The following CPAMD8 variants were observed in gnomAD, a reference collection of about 807,000 sequenced individuals.
The protein encoded by CPAMD8 is C3 and PZP like alpha-2-macroglobulin domain containing 8.
CPAMD8 carries 146 observed loss-of-function variants against 224.7 expected under a neutral mutation model. That is an observed-to-expected ratio of 0.65 (90% CI 0.57 to 0.75). The LOEUF is 0.75. CPAMD8 is among the 30% of genes least tolerant of loss of function. CPAMD8 has a pLI of 0.00. For missense variants in CPAMD8, 2,301 were observed against 2,537.5 expected (o/e 0.91, Z 2.00); for synonymous variants, 966 against 1,044.6 (o/e 0.92, Z 1.45).
intron 30 of CPAMD8, among the ~76,000 whole-genome samples, chr19:16,906,337 CCTTT>C (rs35867251): frequency 0.046 from 3,725 of 81,506 alleles, 172 homozygotes; most frequent in East Asian, 0.11. Flanking sequence ...TCCTTCTTTC[CCTTT>C]CTTTCTTTCT....
At chr19:16,973,650 G>C (rs1000874109) in intron 17 of CPAMD8, among the ~76,000 whole-genome samples, 1 of 151,824 alleles carries the variant, frequency 6.6e-6, no homozygotes, top group African/African-American at 2.4e-5. Flanking sequence ...CACCTGGCCA[G>C]AAATATTTTT....
At chr19:17,015,114 C>T (rs1012855789) in intron 3 of CPAMD8, among the ~76,000 whole-genome samples, 11 of 152,302 alleles carry the variant, frequency 7.2e-5, no homozygotes, top group Admixed American at 2.0e-4. Context: ...TGATGGCAGG[C>T]GCCTATAGTC....
Position 16,945,607 on chromosome 19 carries a change from T to A in CPAMD8, c.2735A>T (p.His912Leu). The stretch of plus-strand genomic sequence containing the variant: ...CCCGATGGGGACCCTCCTGTCGGCG[T>A]GATTCTCCTCAGGGTGTTTGCTGGA... ...GRSSKHPEEN[H>L]ADRRVPIGVD... The change falls in exon 22 of 42, where the codon CAC becomes CTC. Residue 912 changes from histidine (H) to leucine (L), a missense_variant. His to Leu is a moderately conservative substitution (Grantham distance 99). This residue lies in a region of CPAMD8 where 1,709 missense variants were observed against 1,753.2 expected (regional missense o/e 0.97). Coordinates refer to ENST00000443236, the MANE Select transcript of CPAMD8 (RefSeq NM_015692.5). 6.2e-7 allele frequency: 1 copy of A among 1,614,168 alleles called. No individual in the cohort carries two copies. The highest frequency in any genetic ancestry group is 8.5e-7 in the Non-Finnish European group (1 of 1,180,008).
chr19:16,973,688 A>G (rs2055145720), intron 17 of CPAMD8, among the ~76,000 whole-genome samples: 1 of 151,942 alleles, frequency 6.6e-6, no homozygotes, highest in African/African-American at 2.4e-5. Flanking sequence ...GCACCCTCCA[A>G]TGGGACACGC....
chr19:16,997,034 C>A (rs1043807552), intron 11 of CPAMD8, 77 bp downstream of exon 11: 18 of 910,122 alleles, frequency 2.0e-5, no homozygotes, highest in Non-Finnish European at 1.8e-6. Flanking sequence ...TGAGTCACCA[C>A]TGCAGAGCTA....
At chr19:16,943,057 G>C (rs1318376281) in intron 22 of CPAMD8, among the ~76,000 whole-genome samples, 1 of 142,132 alleles carries the variant, frequency 7.0e-6, no homozygotes, top group South Asian at 2.2e-4. Context: ...ACCCAGGCTA[G>C]AGTGCAGTGT....
At chr19:16,897,184 A>T (rs1297554425) in intron 39 of CPAMD8, 3 of 68,910 alleles carry the variant, frequency 4.4e-5, no homozygotes, top group African/African-American at 1.8e-4. Context: ...CGCACTGACC[A>T]CACCCACCGC....
intron 18 of CPAMD8, among the ~76,000 whole-genome samples, chr19:16,969,895 A>AAAC (rs1491031271): frequency 6.7e-6 from 1 of 150,122 alleles, no homozygotes; most frequent in African/African-American, 2.5e-5. Flanking sequence ...AAAAACAAAA[A>AAAC]CAACGAAAAA....
chr19:16,958,794 CT>C (rs894430046), intron 18 of CPAMD8, among the ~76,000 whole-genome samples: 31 of 142,376 alleles, frequency 2.2e-4, no homozygotes, highest in African/African-American at 5.3e-4. Context: ...TATTTTTTTA[CT>C]TTTTTTTTCT....
chr19:16,993,299 T>C (rs111984152), intron 12 of CPAMD8, 117 bp downstream of exon 12: 6 of 764,090 alleles, frequency 7.9e-6, no homozygotes, highest in African/African-American at 3.5e-5. Context: ...GAATGTGTAC[T>C]CCTGCAGGGC....
intron 23 of CPAMD8, 58 bp from the exon 24 acceptor site, chr19:16,929,298 C>T: frequency 7.1e-7 from 1 of 1,403,528 alleles, no homozygotes; most frequent in Non-Finnish European, 9.8e-7. Flanking sequence ...TCCCACTTTC[C>T]CTGATGGTAC....
intron 11 of CPAMD8, among the ~76,000 whole-genome samples, chr19:16,995,524 C>T (rs2056096193): frequency 6.6e-6 from 1 of 152,208 alleles, no homozygotes; most frequent in Admixed American, 6.6e-5. Context: ...CCTCAGCCTC[C>T]TGAGTCACTG....
chr19:16,948,874 AAG>A (rs2054199550), intron 20 of CPAMD8, among the ~76,000 whole-genome samples: 1 of 10,220 alleles, frequency 9.8e-5, no homozygotes, highest in Non-Finnish European at 1.7e-4. Context: ...AAGGAAAGGG[AAG>A]GGAAGGGAAG....
chr19:16,983,996 G>A (rs894884067), intron 13 of CPAMD8, among the ~76,000 whole-genome samples: 3 of 152,120 alleles, frequency 2.0e-5, no homozygotes, highest in African/African-American at 7.2e-5. Flanking sequence ...ACCAGCATAA[G>A]GAGAGACATA....
intron 23 of CPAMD8, among the ~76,000 whole-genome samples, chr19:16,935,925 T>C (rs571668637): frequency 1.3e-5 from 2 of 150,484 alleles, no homozygotes; most frequent in Non-Finnish European, 2.9e-5. Flanking sequence ...CATTTAGTGT[T>C]CACTATTTTT....
At position 16,977,483 on chromosome 19, in the gene CPAMD8, G is replaced by A. The variant is rs766613114; in HGVS notation, c.1643C>T (p.Ala548Val). The change falls in exon 15 of 42, where the codon GCC becomes GTC. Residue 548 changes from alanine (A) to valine (V), a missense_variant. Around this residue, in one of 4 missense-constraint regions of CPAMD8, gnomAD observed 301 missense variants for 406.6 expected, o/e 0.74. Coordinates refer to ENST00000443236, the MANE Select transcript of CPAMD8 (RefSeq NM_015692.5). Reference protein sequence around the residue: ...VDVCVTSLHLAVTPSMVPLGR... With the variant: ...VDVCVTSLHLVVTPSMVPLGR... ...AAGGGGGACCATGCTGGGGGTCACG[G>A]CCAGATGAAGAGAGGTCACACACAC... The A allele has an allele frequency of 2.2e-5, 36 of 1,611,740 alleles. No homozygotes were observed. Among genetic ancestry groups the A allele is most frequent in the Non-Finnish European group, 2.7e-5 (32 of 1,178,928 alleles).
In CPAMD8 at chr19:16,976,095, C is replaced by T. The variant is rs771849343; in HGVS notation, c.1815G>A (p.Arg605=). Residue 605 remains arginine, a synonymous_variant, in exon 16 of 42, where the codon CGG becomes CGA. Transcript: ENST00000443236. ...ETQPGEVVDL[R]IRAARGSCVC... ...CACAGCTGCCCCTTGCAGCCCTGAT[C>T]CGCAGGTCGACAACCTCCCCAGGTT... 1.2e-6 allele frequency: 2 copies of T among 1,612,976 alleles called. No homozygotes were observed. The highest frequency in any genetic ancestry group is 2.2e-5 in the South Asian group (2 of 90,980).
chr19:17,012,744 G>C (rs1254757427), intron 3 of CPAMD8, among the ~76,000 whole-genome samples: 1 of 152,176 alleles, frequency 6.6e-6, no homozygotes, highest in African/African-American at 2.4e-5. Flanking sequence ...ATCATCACTG[G>C]AGAGTTACAA....
intron 13 of CPAMD8, among the ~76,000 whole-genome samples, chr19:16,982,743 G>A (rs570008003): frequency 1.3e-5 from 2 of 152,122 alleles, no homozygotes; most frequent in Non-Finnish European, 2.9e-5. Context: ...GGGGGCTGAG[G>A]CAGGAGGATC....
Sources: allele counts gnomAD v4.1 joint callset (sites outside exome capture counted in the v4.1 genomes callset), GRCh38; gene constraint gnomAD v4.1.1; regional missense constraint gnomAD v4.1.1; transcripts MANE v1.5; gene names NCBI Gene and HGNC (gene_info 2026-07-23, HGNC 2026-07-21).